The following SPAG16 variants were observed in gnomAD, a reference collection of about 807,000 sequenced individuals.
SPAG16 encodes sperm-associated antigen 16 protein.
In SPAG16, 86 loss-of-function variants were observed where a neutral mutation model predicts 80.4. That is an observed-to-expected ratio of 1.07 (90% CI 0.90 to 1.28). SPAG16 has a LOEUF of 1.28. SPAG16 is among the 50% of genes most tolerant of loss of function. The probability of loss-of-function intolerance (pLI) is 0.00; values close to 1 mark genes in which losing one functional copy is unlikely to be tolerated. For synonymous variants in SPAG16, 294 were observed against 265.9 expected (o/e 1.11, Z -1.03); for missense variants, 870 against 765.3 (o/e 1.14, Z -1.61).
chr2:213,777,493 G>A (rs2069673622), intron 10 of SPAG16, among the ~76,000 whole-genome samples: 1 of 151,586 alleles, frequency 6.6e-6, no homozygotes, highest in Admixed American at 6.6e-5. Context: ...TGCAAGCTCC[G>A]CCTCCCGGGT....
chr2:213,496,923 A>AAAAC (rs1422387288), intron 10 of SPAG16, among the ~76,000 whole-genome samples: 1 of 151,576 alleles, frequency 6.6e-6, no homozygotes, highest in Non-Finnish European at 1.5e-5. Flanking sequence ...ACATCCCATC[A>AAAAC]AAACAAACAA....
intron 13 of SPAG16, among the ~76,000 whole-genome samples, chr2:214,059,238 ATATGTATG>A (rs1196245258): frequency 2.7e-5 from 3 of 112,672 alleles, no homozygotes; most frequent in South Asian, 5.8e-4. Flanking sequence ...ATATATATAT[ATATGTATG>A]TATATATATG....
At chr2:214,286,288 G>T (rs1042939899) in intron 15 of SPAG16, among the ~76,000 whole-genome samples, 37 of 152,062 alleles carry the variant, frequency 2.4e-4, no homozygotes, top group African/African-American at 7.5e-4. Context: ...GTACTGTATT[G>T]TGTACTTGAA....
intron 15 of SPAG16, among the ~76,000 whole-genome samples, chr2:214,190,422 C>T (rs2057625383): frequency 6.6e-6 from 1 of 152,000 alleles, no homozygotes; most frequent in Admixed American, 6.6e-5. Context: ...CGAATATATA[C>T]CCTCATATAA....
intron 15 of SPAG16, among the ~76,000 whole-genome samples, chr2:214,395,743 T>C (rs1701329512): frequency 6.6e-6 from 1 of 152,112 alleles, no homozygotes; most frequent in South Asian, 2.1e-4. Context: ...CCTTGTGTTC[T>C]TATCATTTAG....
At chr2:213,576,174 T>G (rs566530867) in intron 10 of SPAG16, among the ~76,000 whole-genome samples, 7 of 152,180 alleles carry the variant, frequency 4.6e-5, no homozygotes, top group Admixed American at 6.5e-5. Context: ...ATTTATTGAA[T>G]AGCGAGTCCA....
intron 10 of SPAG16, among the ~76,000 whole-genome samples, chr2:213,785,274 C>T (rs2070266765): frequency 6.6e-6 from 1 of 151,960 alleles, no homozygotes; most frequent in African/African-American, 2.4e-5. Context: ...ATTCTATAAG[C>T]TGAAGACATT....
intron 7 of SPAG16, among the ~76,000 whole-genome samples, chr2:213,363,509 G>T (rs2066112537): frequency 6.6e-6 from 1 of 151,990 alleles, no homozygotes. Context: ...AGATGAAATA[G>T]CTTTTCAAGG....
chr2:214,145,928 G>C (rs1233009939), intron 14 of SPAG16, among the ~76,000 whole-genome samples: 1 of 152,128 alleles, frequency 6.6e-6, no homozygotes, highest in Non-Finnish European at 1.5e-5. Context: ...TGGAGATGCA[G>C]TGTTACAAAA....
chr2:214,049,974 A>G (rs1016854730), intron 13 of SPAG16, among the ~76,000 whole-genome samples: 25 of 152,216 alleles, frequency 1.6e-4, no homozygotes, highest in African/African-American at 6.0e-4. Context: ...AATGTGTAAC[A>G]GATTTTATTG....
At chr2:213,840,548 GA>G (rs111594070) in intron 10 of SPAG16, among the ~76,000 whole-genome samples, 12 of 151,220 alleles carry the variant, frequency 7.9e-5, no homozygotes, top group South Asian at 2.1e-4. Flanking sequence ...AGTTTGGGAA[GA>G]AAAAAAAATC....
At chr2:213,572,744 C>A (rs959990937) in intron 10 of SPAG16, among the ~76,000 whole-genome samples, 2 of 152,080 alleles carry the variant, frequency 1.3e-5, no homozygotes, top group Non-Finnish European at 2.9e-5. Flanking sequence ...GGCAGGCCTC[C>A]TTGAGCTGTG....
chr2:213,723,503 G>A (rs1422495994), intron 10 of SPAG16, among the ~76,000 whole-genome samples: 2 of 152,138 alleles, frequency 1.3e-5, no homozygotes, highest in Non-Finnish European at 1.5e-5. Flanking sequence ...TTGTTGAATT[G>A]AATGTAGAAG....
At chr2:213,957,778 A>G (rs78210619) in intron 12 of SPAG16, among the ~76,000 whole-genome samples, 2 of 152,088 alleles carry the variant, frequency 1.3e-5, no homozygotes, top group African/African-American at 2.4e-5. Context: ...TGTGGTTACC[A>G]TAGAGATTAC....
intron 10 of SPAG16, among the ~76,000 whole-genome samples, chr2:213,493,606 C>A (rs757376819): frequency 6.6e-6 from 1 of 152,076 alleles, no homozygotes; most frequent in Non-Finnish European, 1.5e-5. Flanking sequence ...GATGGAGTCT[C>A]GCTCTCTTGC....
intron 14 of SPAG16, among the ~76,000 whole-genome samples, chr2:214,135,604 A>G (rs2055005215): frequency 6.6e-6 from 1 of 152,198 alleles, no homozygotes. Context: ...TCTCTCATGA[A>G]TAGATTAATG....
chr2:213,980,735 G>T (rs1053601616), intron 12 of SPAG16, among the ~76,000 whole-genome samples: 2,100 of 116,652 alleles, frequency 0.018, 42 homozygotes, highest in African/African-American at 0.029. Flanking sequence ...TAGAGAGAGA[G>T]AGAGAGAGAG....
intron 9 of SPAG16, among the ~76,000 whole-genome samples, chr2:213,408,872 G>T (rs1276435560): frequency 6.6e-6 from 1 of 152,130 alleles, no homozygotes; most frequent in African/African-American, 2.4e-5. Context: ...TAATAGTAAA[G>T]AATAATTAAA....
chr2:214,399,825 C>T (rs1032692880), intron 15 of SPAG16, among the ~76,000 whole-genome samples: 1 of 152,050 alleles, frequency 6.6e-6, no homozygotes. Flanking sequence ...ATCGAATCCT[C>T]AGAACTGAAC....
Sources: gnomAD v4.1 joint callset for allele counts (sites outside exome capture counted in the v4.1 genomes callset) on GRCh38, gnomAD v4.1.1 for gene constraint, MANE v1.5 for transcripts, NCBI Gene and HGNC (gene_info 2026-07-23, HGNC 2026-07-21) for gene names.